The following STX2 variants were observed in gnomAD, a reference collection of about 807,000 sequenced individuals.
The protein encoded by STX2 is syntaxin 2.
STX2 carries 27 observed loss-of-function variants against 40.6 expected under a neutral mutation model. The ratio of observed to expected loss-of-function variants is 0.66; its 90% CI spans 0.49 to 0.92. STX2 has a LOEUF of 0.92. Among genes scored for constraint, STX2 ranks in the 40% least tolerant of loss-of-function variants. The probability of loss-of-function intolerance (pLI) is 0.00; values close to 1 mark genes in which losing one functional copy is unlikely to be tolerated. For synonymous variants in STX2, 123 were observed against 119.1 expected, an observed-to-expected ratio of 1.03 and a Z score of -0.22; for missense variants, 328 against 366.1, an observed-to-expected ratio of 0.90 and a Z score of 0.85.
chr12:130,790,969 T>C lies in STX2; in HGVS notation c.*1054A>G, dbSNP rs1164396095. 6.6e-6 allele frequency: 1 copy of C among 152,586 alleles called. No homozygotes were observed. The highest frequency in any genetic ancestry group is 1.5e-5 in the Non-Finnish European group (1 of 68,028). The allele number at this position is 152,586 out of a possible 1,614,324, so 9.5% of individuals were successfully genotyped here. On this transcript the variant is annotated 3_prime_UTR_variant, in exon 11 of 11. Transcript: ENST00000392373. The stretch of plus-strand genomic sequence containing the variant: ...TGTTTTCCGTGACAATGGGAAACTT[T>C]AAACAACTGTACAAAGGTGGCTCCA...
intron 2 of STX2, among the ~76,000 whole-genome samples, chr12:130,824,476 T>C (rs1252076239): frequency 1.3e-5 from 2 of 152,228 alleles, no homozygotes; most frequent in Non-Finnish European, 2.9e-5. Context: ...TGGAGAGTTC[T>C]GCAATATACA....
At chr12:130,811,405 G>A (rs150140421) in intron 4 of STX2, among the ~76,000 whole-genome samples, 121 of 149,998 alleles carry the variant, frequency 8.1e-4, no homozygotes, top group African/African-American at 2.9e-3. Flanking sequence ...AACTTCTAAT[G>A]AATTATGGAT....
intron 1 of STX2, among the ~76,000 whole-genome samples, chr12:130,838,790 C>T (rs1046227292): frequency 1.3e-5 from 2 of 152,106 alleles, no homozygotes; most frequent in African/African-American, 2.4e-5. Context: ...CCGCTCCCTC[C>T]TCCTGCCCCA....
rs113457129 is a variant in STX2, at chr12:130,790,808, A to C, written c.*1215T>G. ...TTAGTGAAAAGAGACCACGGTCTTT[A>C]CAGTGCAGTAACCATTCATTATCCT... On this transcript the variant is annotated 3_prime_UTR_variant, in exon 11 of 11. Transcript: ENST00000392373. 3 of 152,654 alleles carry C rather than the reference A, an allele frequency of 2.0e-5. No homozygotes were observed. Among genetic ancestry groups the C allele is most frequent in the Admixed American group, 6.5e-5 (1 of 15,288 alleles). The allele number at this position is 152,654 out of a possible 1,614,324, so 9.5% of individuals were successfully genotyped here.
At chr12:130,837,579 T>C (rs11061160) in intron 1 of STX2, among the ~76,000 whole-genome samples, 25,522 of 152,198 alleles carry the variant, frequency 0.17, 2,788 homozygotes, top group Non-Finnish European at 0.23. Context: ...CCACTGCGAC[T>C]GGCCTCCTGC....
At chr12:130,819,377 G>C (rs1565926241) in intron 3 of STX2, among the ~76,000 whole-genome samples, 1 of 138,856 alleles carries the variant, frequency 7.2e-6, no homozygotes, top group Admixed American at 8.1e-5. Context: ...GTCCCTCTCT[G>C]CGTTACCCCG....
intron 6 of STX2, 49 bp downstream of exon 6, chr12:130,806,933 T>C (rs1313282051): frequency 6.5e-7 from 1 of 1,539,784 alleles, no homozygotes; most frequent in Non-Finnish European, 9.0e-7. Flanking sequence ...AGTGAGACCT[T>C]AAGGGAGAAA....
At chr12:130,835,162 G>T (rs567463222) in intron 1 of STX2, among the ~76,000 whole-genome samples, 1 of 152,186 alleles carries the variant, frequency 6.6e-6, no homozygotes, top group Admixed American at 6.5e-5. Context: ...AGCGGCACGC[G>T]CCTGTGGTCC....
intron 1 of STX2, among the ~76,000 whole-genome samples, chr12:130,829,421 G>T (rs772376371): frequency 1.3e-5 from 2 of 152,144 alleles, no homozygotes; most frequent in Non-Finnish European, 2.9e-5. Context: ...AGCAGAAAAC[G>T]GCCTGTGACT....
chr12:130,816,308 C>T (rs1463984570), intron 3 of STX2, among the ~76,000 whole-genome samples: 3 of 152,158 alleles, frequency 2.0e-5, no homozygotes, highest in East Asian at 1.9e-4. Flanking sequence ...CTTGAGCTGG[C>T]GGGCCACAGC....
At chr12:130,825,582 T>C (rs1952270968) in intron 2 of STX2, among the ~76,000 whole-genome samples, 1 of 152,200 alleles carries the variant, frequency 6.6e-6, no homozygotes, top group African/African-American at 2.4e-5. Flanking sequence ...GGAAGTTCCT[T>C]GTAGCTAACA....
At chr12:130,833,736 T>C (rs1279377105) in intron 1 of STX2, among the ~76,000 whole-genome samples, 2 of 152,108 alleles carry the variant, frequency 1.3e-5, no homozygotes, top group Non-Finnish European at 2.9e-5. Context: ...TAAATCTCCC[T>C]TTTCTGCTTT....
At chr12:130,794,861 G>A (rs995110147) in intron 10 of STX2, among the ~76,000 whole-genome samples, 3 of 152,152 alleles carry the variant, frequency 2.0e-5, no homozygotes, top group African/African-American at 4.8e-5. Flanking sequence ...CATTGGGGAT[G>A]ACTTGCCACA....
Position 130,791,902 on chromosome 12 carries a change from A to G in STX2, c.*121T>C, listed in dbSNP as rs753182660. The G allele has an allele frequency of 4.3e-5, 69 of 1,611,384 alleles. No individual in the cohort carries two copies. The highest frequency in any genetic ancestry group is 5.7e-5 in the Non-Finnish European group (67 of 1,178,186). ...AAATGGCTCTTGGGATATGGTTGCT[A>G]GGACAATGTTGTTGCTAGGATAATT... On this transcript the variant is annotated 3_prime_UTR_variant, in exon 11 of 11. Transcript: ENST00000392373.
intron 2 of STX2, among the ~76,000 whole-genome samples, chr12:130,825,542 C>T (rs938486949): frequency 2.6e-5 from 4 of 152,164 alleles, no homozygotes; most frequent in African/African-American, 7.2e-5. Context: ...ATCAGGAAAT[C>T]CCAGCATCTT....
chr12:130,818,693 C>G (rs1482719090), intron 3 of STX2, among the ~76,000 whole-genome samples: 1 of 140,382 alleles, frequency 7.1e-6, no homozygotes, highest in African/African-American at 2.7e-5. Flanking sequence ...GGTGCAGACG[C>G]TGCCCCAGCG....
At chr12:130,802,559 G>A (rs897866018) in intron 6 of STX2, among the ~76,000 whole-genome samples, 3 of 152,112 alleles carry the variant, frequency 2.0e-5, no homozygotes, top group African/African-American at 7.2e-5. Context: ...GTGTAGTGGT[G>A]CAATCTCAGC....
intron 2 of STX2, among the ~76,000 whole-genome samples, chr12:130,822,522 A>G (rs1952154355): frequency 6.6e-6 from 1 of 152,056 alleles, no homozygotes; most frequent in South Asian, 2.1e-4. Context: ...CTAAATGTTT[A>G]AATTCAATAT....
At chr12:130,831,050 A>G (rs1349858128) in intron 1 of STX2, among the ~76,000 whole-genome samples, 1 of 152,256 alleles carries the variant, frequency 6.6e-6, no homozygotes, top group African/African-American at 2.4e-5. Context: ...AGAAACAGGT[A>G]GCAGGTAGCT....
Sources: gnomAD v4.1 joint callset for allele counts (sites outside exome capture counted in the v4.1 genomes callset) on GRCh38, gnomAD v4.1.1 for gene constraint, MANE v1.5 for transcripts, NCBI Gene and HGNC (gene_info 2026-07-23, HGNC 2026-07-21) for gene names.